Variants in BACH2 observed in about 807,000 individuals in gnomAD.
BACH2 encodes the protein transcription regulator protein BACH2.
A neutral mutation model predicts 61.8 loss-of-function variants in BACH2; 5 were observed. That is an observed-to-expected ratio of 0.08 (90% CI 0.04 to 0.17). BACH2 has a LOEUF of 0.17. BACH2 is among the 10% of genes least tolerant of loss of function. The pLI is 1.00. For missense variants in BACH2, 824 were observed against 1,091.1 expected (o/e 0.76, Z 3.45); for synonymous variants, 446 against 440.1 (o/e 1.01, Z -0.17).
At chr6:89,970,473 T>C (rs577807705) in intron 6 of BACH2, among the ~76,000 whole-genome samples, 8 of 152,330 alleles carry the variant, frequency 5.3e-5, no homozygotes, top group Middle Eastern at 3.4e-3. Context: ...ACAGAACAGA[T>C]TGGACACATT....
At chr6:90,103,736 TC>T (rs374966281) in intron 4 of BACH2, among the ~76,000 whole-genome samples, 111 of 152,344 alleles carry the variant, frequency 7.3e-4, no homozygotes, top group African/African-American at 2.5e-3. Flanking sequence ...ATGGGGAACA[TC>T]TGTTAGAAAC....
At chr6:90,153,753 C>T (rs993592991) in intron 4 of BACH2, among the ~76,000 whole-genome samples, 2 of 152,072 alleles carry the variant, frequency 1.3e-5, no homozygotes, top group African/African-American at 4.8e-5. Flanking sequence ...AGGCACAAGG[C>T]AGTGAGGAAA....
chr6:90,057,921 A>T (rs965741343), intron 5 of BACH2, among the ~76,000 whole-genome samples: 8 of 152,206 alleles, frequency 5.3e-5, no homozygotes, highest in Non-Finnish European at 1.2e-4. Context: ...AAAATTCAAC[A>T]ATGCTTCATG....
intron 2 of BACH2, among the ~76,000 whole-genome samples, chr6:90,266,117 G>C (rs998683907): frequency 6.6e-6 from 1 of 152,138 alleles, no homozygotes. Flanking sequence ...AAAGGTAGAG[G>C]CAACAACCAT....
chr6:90,257,996 G>T (rs564100779), intron 2 of BACH2, among the ~76,000 whole-genome samples: 1 of 152,042 alleles, frequency 6.6e-6, no homozygotes, highest in Non-Finnish European at 1.5e-5. Flanking sequence ...GGATGGTCTC[G>T]ATCTCCTGAC....
chr6:90,054,311 G>A (rs571628346), intron 5 of BACH2, among the ~76,000 whole-genome samples: 8 of 152,330 alleles, frequency 5.3e-5, no homozygotes, highest in African/African-American at 1.9e-4. Flanking sequence ...GGCACACCAG[G>A]AGATTATATC....
intron 6 of BACH2, among the ~76,000 whole-genome samples, chr6:89,960,174 T>G (rs1774663112): frequency 6.6e-6 from 1 of 152,222 alleles, no homozygotes; most frequent in Non-Finnish European, 1.5e-5. Context: ...TTTCTGTTCT[T>G]CCAGTTTTCC....
At chr6:90,014,132 G>C (rs965884106) in intron 5 of BACH2, among the ~76,000 whole-genome samples, 1 of 151,810 alleles carries the variant, frequency 6.6e-6, no homozygotes, top group African/African-American at 2.4e-5. Context: ...CTAACATTTT[G>C]TTAATAATTT....
chr6:90,064,703 G>A (rs369724501), intron 5 of BACH2, among the ~76,000 whole-genome samples: 4 of 152,164 alleles, frequency 2.6e-5, no homozygotes, highest in East Asian at 3.9e-4. Context: ...ATAGTTAAAC[G>A]CTAAAGATCC....
Position 90,008,565 on chromosome 6 carries a change from ACATT to A in BACH2, c.243+33_243+36del. On this transcript the variant is annotated intron_variant, in intron 6 of 8. Coordinates refer to ENST00000257749, the MANE Select transcript of BACH2 (RefSeq NM_021813.4). The surrounding 1 kb of genome is among the most constrained non-coding windows in gnomAD (Gnocchi z 4.1). The stretch of plus-strand genomic sequence containing the variant: ...CAGCCAGTTTTCTGTAAGTCAATAA[ACATT>A]CATTAACAATCACACAAACCAAATT... The A allele has an allele frequency of 6.2e-7, 1 of 1,609,656 alleles. No homozygotes were observed. Among genetic ancestry groups the A allele is most frequent in the Non-Finnish European group, 8.5e-7 (1 of 1,177,560 alleles).
chr6:89,967,418 A>T (rs1318304453), intron 6 of BACH2, among the ~76,000 whole-genome samples: 1 of 152,222 alleles, frequency 6.6e-6, no homozygotes, highest in East Asian at 1.9e-4. Flanking sequence ...CACCTACAGC[A>T]TCCCGGGTGT....
At chr6:90,203,855 C>A (rs1038742450) in intron 4 of BACH2, among the ~76,000 whole-genome samples, 4 of 152,144 alleles carry the variant, frequency 2.6e-5, no homozygotes, top group African/African-American at 7.2e-5. Context: ...CCAAAGTACA[C>A]CCCTTTCTGG....
chr6:90,011,601 G>A (rs1386153097), intron 5 of BACH2, among the ~76,000 whole-genome samples: 2 of 152,202 alleles, frequency 1.3e-5, no homozygotes, highest in Non-Finnish European at 2.9e-5. Flanking sequence ...GCTCACAGCA[G>A]TAGCTGGCAC....
intron 1 of BACH2, among the ~76,000 whole-genome samples, chr6:90,272,937 A>G (rs1771574229): frequency 6.6e-6 from 1 of 152,168 alleles, no homozygotes; most frequent in Non-Finnish European, 1.5e-5. Flanking sequence ...CCCTCTAACA[A>G]GCAACCTGCA....
intron 5 of BACH2, among the ~76,000 whole-genome samples, chr6:90,056,504 C>A: frequency 6.6e-6 from 1 of 152,100 alleles, no homozygotes; most frequent in East Asian, 1.9e-4. Flanking sequence ...GAGACTTAGA[C>A]TCCCACACAA....
At chr6:89,949,982 T>C in intron 7 of BACH2, 1 of 463,668 alleles carries the variant, frequency 2.2e-6, no homozygotes, top group South Asian at 2.1e-5. Context: ...CTGGAGTGCC[T>C]CAGTGTACTT....
At chr6:90,046,735 G>A (rs926556340) in intron 5 of BACH2, among the ~76,000 whole-genome samples, 1 of 151,872 alleles carries the variant, frequency 6.6e-6, no homozygotes, top group Non-Finnish European at 1.5e-5. Flanking sequence ...CTATAGAGAC[G>A]CTTTTGTAAA....
chr6:90,105,435 T>C (rs1174264693), intron 4 of BACH2, among the ~76,000 whole-genome samples: 1 of 152,246 alleles, frequency 6.6e-6, no homozygotes, highest in African/African-American at 2.4e-5. Flanking sequence ...ATTCCATACA[T>C]ACTTTGTAAT....
intron 4 of BACH2, among the ~76,000 whole-genome samples, chr6:90,145,431 G>A (rs1041574274): frequency 6.6e-6 from 1 of 152,172 alleles, no homozygotes; most frequent in African/African-American, 2.4e-5. Context: ...GATAAACTTA[G>A]GAAGATGTGG....
Sources: allele counts gnomAD v4.1 joint callset (sites outside exome capture counted in the v4.1 genomes callset), GRCh38; gene constraint gnomAD v4.1.1; non-coding constraint Gnocchi (gnomAD v3.1); transcripts MANE v1.5; gene names NCBI Gene and HGNC (gene_info 2026-07-23, HGNC 2026-07-21).